ADAMTS12: variants seen among roughly 807,000 people sequenced by gnomAD.
ADAMTS12 encodes A disintegrin and metalloproteinase with thrombospondin motifs 12.
In ADAMTS12, 118 loss-of-function variants were observed where a neutral mutation model predicts 167.8. The ratio of observed to expected loss-of-function variants is 0.70; its 90% CI spans 0.61 to 0.82. The LOEUF (loss-of-function observed/expected upper bound fraction) is 0.82. Ranked by LOEUF, ADAMTS12 falls within the 40% of genes least tolerant of loss-of-function variation. ADAMTS12 has a pLI of 0.00. For synonymous variants in ADAMTS12, 704 were observed against 716.9 expected (o/e 0.98, Z 0.29); for missense variants, 1,916 against 1,998.8 (o/e 0.96, Z 0.79).
intron 2 of ADAMTS12, among the ~76,000 whole-genome samples, chr5:33,814,892 G>A (rs542557471): frequency 1.0e-4 from 14 of 139,912 alleles, no homozygotes; most frequent in African/African-American, 3.8e-4. Flanking sequence ...TTGAAAGGAG[G>A]AGTGATGGAG....
chr5:33,816,360 A>G (rs1747653540), intron 2 of ADAMTS12, among the ~76,000 whole-genome samples: 1 of 152,180 alleles, frequency 6.6e-6, no homozygotes, highest in South Asian at 2.1e-4. Flanking sequence ...TTTGAAATGT[A>G]CAATACTCTG....
At position 33,578,225 on chromosome 5, in the gene ADAMTS12, A is replaced by G. The variant is rs1746860104; in HGVS notation, c.2866-1065T>C. On this transcript the variant is annotated intron_variant, in intron 18 of 23. Transcript: ENST00000504830. ...CAAAGCACATTTCTTAAGGATGGGGACTGCATAATGATTTCAAAGGGCTGC... is the reference window on the plus strand; with the variant it reads ...CAAAGCACATTTCTTAAGGATGGGGGCTGCATAATGATTTCAAAGGGCTGC... Among the ~76,000 whole-genome samples the G allele has an allele frequency of 2.6e-5, 4 of 152,126 alleles. No homozygotes were observed. The South Asian group carries it at 8.3e-4, about 32-fold the overall frequency.
chr5:33,552,267 C>T (rs1211247953), intron 20 of ADAMTS12, among the ~76,000 whole-genome samples: 1 of 152,216 alleles, frequency 6.6e-6, no homozygotes, highest in Non-Finnish European at 1.5e-5. Flanking sequence ...TATAGCACAA[C>T]TAACAAACAC....
intron 2 of ADAMTS12, among the ~76,000 whole-genome samples, chr5:33,867,255 T>A (rs1172730742): frequency 6.6e-6 from 1 of 152,140 alleles, no homozygotes; most frequent in Non-Finnish European, 1.5e-5. Flanking sequence ...GTGGTATACA[T>A]ACACCATGAA....
intron 17 of ADAMTS12, among the ~76,000 whole-genome samples, chr5:33,595,562 C>T (rs919420860): frequency 2.0e-5 from 3 of 152,192 alleles, no homozygotes; most frequent in Non-Finnish European, 4.4e-5. Flanking sequence ...GCACTGTGAT[C>T]GGAAGGTGCC....
intron 2 of ADAMTS12, among the ~76,000 whole-genome samples, chr5:33,867,111 A>T (rs1344974849): frequency 6.6e-6 from 1 of 152,136 alleles, no homozygotes; most frequent in African/African-American, 2.4e-5. Flanking sequence ...ACTACTGTGT[A>T]TCTACTCAAA....
chr5:33,752,277 G>A (rs186410465), intron 2 of ADAMTS12, among the ~76,000 whole-genome samples: 19 of 152,284 alleles, frequency 1.2e-4, no homozygotes, highest in African/African-American at 4.1e-4. Flanking sequence ...GCCCATTTGA[G>A]GTGCTTAGAA....
At chr5:33,697,863 C>G in intron 3 of ADAMTS12, among the ~76,000 whole-genome samples, 1 of 152,266 alleles carries the variant, frequency 6.6e-6, no homozygotes, top group East Asian at 1.9e-4. Flanking sequence ...TCTCATGCCC[C>G]TTTGTTCAGG....
intron 12 of ADAMTS12, among the ~76,000 whole-genome samples, chr5:33,635,857 T>C (rs759746591): frequency 3.3e-5 from 5 of 152,134 alleles, no homozygotes; most frequent in African/African-American, 4.8e-5. Context: ...GATAAGTCAT[T>C]GTCTGCTAAT....
intron 19 of ADAMTS12, among the ~76,000 whole-genome samples, chr5:33,572,612 G>C (rs4452564): frequency 0.12 from 16,061 of 131,754 alleles, 1,341 homozygotes; most frequent in Non-Finnish European, 0.18. Flanking sequence ...AATAATAAGA[G>C]CTATCTATGA....
At chr5:33,692,461 G>T (rs1187926807) in intron 3 of ADAMTS12, among the ~76,000 whole-genome samples, 6 of 151,924 alleles carry the variant, frequency 3.9e-5, no homozygotes, top group African/African-American at 1.5e-4. Context: ...AACTTGAATA[G>T]AAGAGGGCTG....
At chr5:33,569,024 C>G (rs543045375) in intron 19 of ADAMTS12, among the ~76,000 whole-genome samples, 1 of 152,208 alleles carries the variant, frequency 6.6e-6, no homozygotes, top group Non-Finnish European at 1.5e-5. Context: ...AACTGCAAGG[C>G]GGCAGCAAGG....
At chr5:33,648,063 C>T (rs1428168301) in intron 9 of ADAMTS12, among the ~76,000 whole-genome samples, 1 of 152,182 alleles carries the variant, frequency 6.6e-6, no homozygotes, top group African/African-American at 2.4e-5. Context: ...AGACTTGCCT[C>T]GTCAATATGT....
intron 2 of ADAMTS12, among the ~76,000 whole-genome samples, chr5:33,868,661 G>T (rs1314627284): frequency 3.3e-5 from 5 of 152,198 alleles, no homozygotes; most frequent in African/African-American, 1.2e-4. Flanking sequence ...TGTGAGCAAA[G>T]AAATGACTTG....
chr5:33,590,286 G>GTC (rs1371412549), intron 17 of ADAMTS12, among the ~76,000 whole-genome samples: 1 of 152,204 alleles, frequency 6.6e-6, no homozygotes, highest in East Asian at 1.9e-4. Context: ...TTTCTCTACA[G>GTC]TCCCTTAGGG....
chr5:33,746,553 A>T (rs977530674), intron 3 of ADAMTS12, among the ~76,000 whole-genome samples: 1 of 152,350 alleles, frequency 6.6e-6, no homozygotes, highest in African/African-American at 2.4e-5. Context: ...TTAAGCCCCT[A>T]ACAATAGTAA....
chr5:33,839,087 T>C (rs1748642248), intron 2 of ADAMTS12, among the ~76,000 whole-genome samples: 2 of 152,140 alleles, frequency 1.3e-5, no homozygotes, highest in Admixed American at 6.5e-5. Flanking sequence ...AACTTGATCT[T>C]TCTGTGATTT....
chr5:33,687,844 G>T (rs1742392416), intron 3 of ADAMTS12, among the ~76,000 whole-genome samples: 1 of 152,148 alleles, frequency 6.6e-6, no homozygotes, highest in Admixed American at 6.5e-5. Flanking sequence ...TATCTCTAAA[G>T]CTGATGACAA....
Position 33,601,106 on chromosome 5 carries a change from AGTGTGT to A in ADAMTS12, c.2528-5052_2528-5047del, listed in dbSNP as rs55841502. ...CTATAGAAGCTCAAACACATTTAAGAGTGTGTGTGTGTGTGTGTGTGTGTGTGTGTG... is the reference window on the plus strand; with the variant it reads ...CTATAGAAGCTCAAACACATTTAAGAGTGTGTGTGTGTGTGTGTGTGTGTG... On this transcript the variant is annotated intron_variant, in intron 16 of 23. Transcript: ENST00000504830. 4.1e-3 allele frequency among the ~76,000 whole-genome samples: 592 copies of A among 145,906 alleles called. 3 individuals carry two copies. The highest frequency in any genetic ancestry group is 0.014 in the African/African-American group (541 of 39,650).
Sources: gnomAD v4.1 joint callset for allele counts (sites outside exome capture counted in the v4.1 genomes callset) on GRCh38, gnomAD v4.1.1 for gene constraint, MANE v1.5 for transcripts, NCBI Gene and HGNC (gene_info 2026-07-23, HGNC 2026-07-21) for gene names.